BMPR1A: variants seen among roughly 807,000 people sequenced by gnomAD.
BMPR1A encodes bone morphogenetic protein receptor type-1A.
Under a neutral mutation model 66.0 loss-of-function variants are expected in BMPR1A, and 7 were observed. That is an observed-to-expected ratio of 0.11 (90% CI 0.06 to 0.20). BMPR1A has a LOEUF of 0.20. Ranked by LOEUF, BMPR1A falls within the 10% of genes least tolerant of loss-of-function variation. The probability of loss-of-function intolerance (pLI) is 1.00; values close to 1 mark genes in which losing one functional copy is unlikely to be tolerated. For synonymous variants in BMPR1A, 200 were observed against 229.7 expected (o/e 0.87, Z 1.17); for missense variants, 408 against 669.1 (o/e 0.61, Z 4.31).
intron 2 of BMPR1A, chr10:86,855,771 G>C: frequency 8.9e-7 from 1 of 1,124,546 alleles, no homozygotes. Flanking sequence ...TGGTGCAGCT[G>C]TCGTCTAATA....
chr10:86,788,936 T>C (rs1174671758), intron 1 of BMPR1A, among the ~76,000 whole-genome samples: 2 of 152,018 alleles, frequency 1.3e-5, no homozygotes, highest in African/African-American at 4.8e-5. Flanking sequence ...CACCATGGCT[T>C]TTTCCATTAT....
At chr10:86,898,952 T>G (rs937529814) in intron 5 of BMPR1A, among the ~76,000 whole-genome samples, 6 of 152,352 alleles carry the variant, frequency 3.9e-5, no homozygotes, top group African/African-American at 1.4e-4. Context: ...TTTGGACATT[T>G]CCAAATGCTC....
At chr10:86,784,712 G>T (rs1458848108) in intron 1 of BMPR1A, among the ~76,000 whole-genome samples, 3 of 152,054 alleles carry the variant, frequency 2.0e-5, no homozygotes, top group Non-Finnish European at 4.4e-5. Context: ...AAGATTTTCT[G>T]TTTCTTCGTG....
At chr10:86,872,469 A>G (rs977626271) in intron 2 of BMPR1A, among the ~76,000 whole-genome samples, 1 of 152,170 alleles carries the variant, frequency 6.6e-6, no homozygotes, top group African/African-American at 2.4e-5. Context: ...TAAGTTCCTT[A>G]AAGTCTACTT....
At chr10:86,894,637 A>G (rs949076461) in intron 5 of BMPR1A, among the ~76,000 whole-genome samples, 6 of 152,192 alleles carry the variant, frequency 3.9e-5, no homozygotes, top group South Asian at 2.1e-4. Flanking sequence ...AAGCTGTTCA[A>G]ATCTATATAC....
chr10:86,906,054 G>A (rs1224297319), intron 7 of BMPR1A, among the ~76,000 whole-genome samples: 2 of 152,094 alleles, frequency 1.3e-5, no homozygotes, highest in East Asian at 3.9e-4. Flanking sequence ...CTCTTGGAGT[G>A]CAGGTCTGCT....
At chr10:86,906,026 C>T (rs573582712) in intron 7 of BMPR1A, among the ~76,000 whole-genome samples, 4 of 152,236 alleles carry the variant, frequency 2.6e-5, no homozygotes, top group Non-Finnish European at 5.9e-5. Flanking sequence ...TTCCTTCTGC[C>T]TGAAGAATTT....
intron 7 of BMPR1A, among the ~76,000 whole-genome samples, chr10:86,911,106 G>C (rs1245586471): frequency 7.1e-6 from 1 of 141,780 alleles, no homozygotes; most frequent in Non-Finnish European, 1.5e-5. Context: ...AGTGAGCTGA[G>C]ATCGTGCCAC....
chr10:86,792,005 C>T (rs181946162), intron 1 of BMPR1A, among the ~76,000 whole-genome samples: 1 of 151,430 alleles, frequency 6.6e-6, no homozygotes, highest in Admixed American at 6.6e-5. Context: ...AGGCGTGAGC[C>T]ACTGTTCCCA....
chr10:86,839,428 A>G (rs1842394938), intron 2 of BMPR1A, among the ~76,000 whole-genome samples: 1 of 152,016 alleles, frequency 6.6e-6, no homozygotes, highest in Non-Finnish European at 1.5e-5. Context: ...TCTCGTCTCT[A>G]CTAAAAATGC....
chr10:86,797,090 A>C (rs1841726828), intron 1 of BMPR1A, among the ~76,000 whole-genome samples: 1 of 79,058 alleles, frequency 1.3e-5, no homozygotes, highest in Admixed American at 1.4e-4. Context: ...TTTTTGAGAC[A>C]GTCTTGCTCT....
At chr10:86,866,420 T>C (rs1346692597) in intron 2 of BMPR1A, among the ~76,000 whole-genome samples, 2 of 136,472 alleles carry the variant, frequency 1.5e-5, no homozygotes, top group Admixed American at 1.5e-4. Context: ...TTTTTTTTTT[T>C]TTTTTTGAGA....
chr10:86,781,857 CTTTTT>C (rs1162095658), intron 1 of BMPR1A, among the ~76,000 whole-genome samples: 1 of 84,224 alleles, frequency 1.2e-5, no homozygotes, highest in Non-Finnish European at 2.2e-5. Flanking sequence ...GACAGGATTT[CTTTTT>C]TTTTTTTTTT....
In BMPR1A at chr10:86,899,826, A is replaced by T. The variant is rs1843280770; in HGVS notation, c.366A>T (p.Ile122=). 1 of 1,614,182 alleles carries T rather than the reference A, an allele frequency of 6.2e-7. No individual in the cohort carries two copies. The highest frequency in any genetic ancestry group is 8.5e-7 in the Non-Finnish European group (1 of 1,180,010). The change falls in exon 6 of 13, where the codon ATA becomes ATT. Residue 122 remains isoleucine (I), a synonymous_variant. Coordinates refer to ENST00000372037, the MANE Select transcript of BMPR1A (RefSeq NM_004329.3). ...CAAAAGCCCAGCTACGCCGGACAAT[A>T]GAATGTTGTCGGACCAATTTATGTA... ...DSPKAQLRRT[I]ECCRTNLCNQ...
intron 7 of BMPR1A, among the ~76,000 whole-genome samples, chr10:86,911,577 C>A (rs1843486025): frequency 6.6e-6 from 1 of 152,028 alleles, no homozygotes; most frequent in Non-Finnish European, 1.5e-5. Flanking sequence ...AAAACCCCAT[C>A]TCTACTAAAA....
intron 2 of BMPR1A, among the ~76,000 whole-genome samples, chr10:86,870,780 C>G (rs1564709048): frequency 6.8e-6 from 1 of 147,160 alleles, no homozygotes; most frequent in African/African-American, 2.5e-5. Context: ...CCACCCTATT[C>G]TTTTTTTTTT....
intron 1 of BMPR1A, among the ~76,000 whole-genome samples, chr10:86,822,511 C>A (rs1024816642): frequency 6.6e-6 from 1 of 152,168 alleles, no homozygotes; most frequent in African/African-American, 2.4e-5. Flanking sequence ...ATTAAAAGTA[C>A]AATGTTTAGA....
intron 1 of BMPR1A, among the ~76,000 whole-genome samples, chr10:86,803,998 T>C (rs2132882369): frequency 6.6e-6 from 1 of 152,330 alleles, no homozygotes; most frequent in South Asian, 2.1e-4. Flanking sequence ...TTGGGTGCTA[T>C]TGTGAATGAT....
rs1228282566 is a variant in BMPR1A, at chr10:86,838,973, C to G, written c.-159C>G. The G allele has an allele frequency of 6.6e-6, 1 of 152,084 alleles. No individual in the cohort carries two copies. Among genetic ancestry groups the G allele is most frequent in the Non-Finnish European group, 1.5e-5 (1 of 68,022 alleles). 9.4% of individuals were successfully genotyped at this position (152,084 alleles called of 1,614,324 possible). On this transcript the variant is annotated 5_prime_UTR_variant, in exon 2 of 13. The change creates a new upstream start codon in the 5' untranslated region. Coordinates refer to ENST00000372037, the MANE Select transcript of BMPR1A (RefSeq NM_004329.3). ...GAAGTACAGTTTTATCTAGCCACAT[C>G]TTGGAGGTAAGGAAAAGAACATAAT...
Sources: allele counts gnomAD v4.1 joint callset (sites outside exome capture counted in the v4.1 genomes callset), GRCh38; gene constraint gnomAD v4.1.1; transcripts MANE v1.5; gene names NCBI Gene and HGNC (gene_info 2026-07-23, HGNC 2026-07-21).